PTTG1IP: variants seen among roughly 807,000 people sequenced by gnomAD.
PTTG1IP encodes the protein PTTG1 interacting protein.
A neutral mutation model predicts 24.4 loss-of-function variants in PTTG1IP; 16 were observed. That is an observed-to-expected ratio of 0.66 (90% CI 0.44 to 1.00). The LOEUF (loss-of-function observed/expected upper bound fraction) is 1.00, where lower values mean the gene tolerates loss of function less well. Among genes scored for constraint, PTTG1IP ranks in the 50% least tolerant of loss-of-function variants. PTTG1IP has a pLI of 0.00. For synonymous variants in PTTG1IP, 89 were observed against 96.8 expected, an observed-to-expected ratio of 0.92 and a Z score of 0.47; for missense variants, 241 against 245.8, an observed-to-expected ratio of 0.98 and a Z score of 0.13.
In PTTG1IP at chr21:44,855,386, T is replaced by C. The variant is rs185462795; in HGVS notation, c.450-130A>G. 1,135 of 956,072 alleles carry C rather than the reference T, an allele frequency of 1.2e-3. 7 individuals are homozygous for C. In the African/African-American group the frequency reaches 0.016, roughly 14 times the overall value. The allele number at this position is 956,072 out of a possible 1,614,324, so 59.2% of individuals were successfully genotyped here. The stretch of plus-strand genomic sequence containing the variant: ...GGTGGCTTCCCTCCAGTTCCCAGAG[T>C]GAAACCAGGGTGAGGACAAGCTTGG... On this transcript the variant is annotated intron_variant, in intron 4 of 5. Transcript: ENST00000330938.
rs766798967 is a variant in PTTG1IP, at chr21:44,851,377, A to G, written c.*204T>C. The G allele has an allele frequency of 2.6e-6, 4 of 1,523,702 alleles. No individual in the cohort carries two copies. The South Asian group carries it at 4.7e-5, about 18-fold the overall frequency. 94.4% of individuals were successfully genotyped at this position (1,523,702 alleles called of 1,614,324 possible). A position where few individuals can be genotyped will look rare whatever the true frequency, so the allele number is the denominator to read the frequency against. On this transcript the variant is annotated 3_prime_UTR_variant, in exon 6 of 6. Coordinates refer to ENST00000330938, the MANE Select transcript of PTTG1IP (RefSeq NM_004339.4). The stretch of plus-strand genomic sequence containing the variant: ...TTCAAGTGACTAAATCTAGAAACAG[A>G]GATGAACAGGGAATAGAAGGTCACC...
At chr21:44,858,643 G>T (rs551339982) in intron 3 of PTTG1IP, among the ~76,000 whole-genome samples, 1 of 152,232 alleles carries the variant, frequency 6.6e-6, no homozygotes, top group African/African-American at 2.4e-5. Context: ...CACTGTGACT[G>T]TGACTAGTCA....
At chr21:44,868,624 T>C (rs2083561397) in intron 1 of PTTG1IP, among the ~76,000 whole-genome samples, 1 of 152,090 alleles carries the variant, frequency 6.6e-6, no homozygotes, top group African/African-American at 2.4e-5. Context: ...AACATCAAAA[T>C]AAATGATAAC....
intron 2 of PTTG1IP, chr21:44,861,712 A>G (rs1412501380): frequency 4.2e-6 from 3 of 713,704 alleles, no homozygotes; most frequent in Non-Finnish European, 7.8e-6. Context: ...AGCCGCCTCC[A>G]CCCCCTCCTC....
chr21:44,852,525 C>T (rs2083418985), intron 5 of PTTG1IP, among the ~76,000 whole-genome samples: 1 of 152,148 alleles, frequency 6.6e-6, no homozygotes, highest in Non-Finnish European at 1.5e-5. Flanking sequence ...AAATTATCTG[C>T]AGCGATTACA....
At chr21:44,865,483 A>G in intron 1 of PTTG1IP, 36 bp from the exon 2 acceptor site, 1 of 1,607,412 alleles carries the variant, frequency 6.2e-7, no homozygotes, top group Non-Finnish European at 8.5e-7. Flanking sequence ...TCAGTCACTG[A>G]GAATCAGGCA....
intron 1 of PTTG1IP, among the ~76,000 whole-genome samples, chr21:44,866,135 G>C (rs1316994135): frequency 4.6e-5 from 7 of 151,890 alleles, no homozygotes; most frequent in African/African-American, 1.7e-4. Context: ...ACTCAAGCCA[G>C]TCAGAAGCAA....
chr21:44,863,199 C>T (rs1348046956), intron 2 of PTTG1IP, among the ~76,000 whole-genome samples: 7 of 131,960 alleles, frequency 5.3e-5, no homozygotes, highest in African/African-American at 1.8e-4. Context: ...CACAGCCCAC[C>T]ACGGCCTCAG....
At chr21:44,863,257 G>A (rs376245544) in intron 2 of PTTG1IP, among the ~76,000 whole-genome samples, 886 of 82,752 alleles carry the variant, frequency 0.011, 51 homozygotes, top group Middle Eastern at 0.032. Flanking sequence ...GACACAGCCC[G>A]CCACGGCCTC....
intron 3 of PTTG1IP, among the ~76,000 whole-genome samples, chr21:44,860,447 T>C (rs1412421275): frequency 7.8e-6 from 1 of 128,686 alleles, no homozygotes; most frequent in Non-Finnish European, 1.6e-5. Context: ...AAATCAAATA[T>C]ACAAAGATAC....
At chr21:44,855,491 A>G (rs1194960421) in intron 4 of PTTG1IP, among the ~76,000 whole-genome samples, 1 of 151,958 alleles carries the variant, frequency 6.6e-6, no homozygotes, top group Non-Finnish European at 1.5e-5. Flanking sequence ...GTATTACTCT[A>G]CTCTTTTCAA....
At chr21:44,861,966 G>A (rs1018443113) in intron 2 of PTTG1IP, 2 of 656,012 alleles carry the variant, frequency 3.0e-6, no homozygotes, top group Admixed American at 2.1e-5. Flanking sequence ...ATGCAACTAC[G>A]GCTCAGCCCG....
chr21:44,861,021 C>A (rs2083487054), intron 3 of PTTG1IP, 142 bp downstream of exon 3: 3 of 590,110 alleles, frequency 5.1e-6, no homozygotes, highest in Non-Finnish European at 8.9e-6. Flanking sequence ...CCAGGATGGT[C>A]TCAATCTCCT....
intron 2 of PTTG1IP, among the ~76,000 whole-genome samples, chr21:44,864,565 T>C (rs2083520288): frequency 6.6e-6 from 1 of 152,100 alleles, no homozygotes; most frequent in African/African-American, 2.4e-5. Flanking sequence ...CCTAGCTAAT[T>C]GTTTTGTATT....
intron 2 of PTTG1IP, chr21:44,861,631 C>G (rs970282197): frequency 1.5e-6 from 1 of 689,042 alleles, no homozygotes; most frequent in Non-Finnish European, 2.7e-6. Flanking sequence ...GCCTGGAGCA[C>G]TCTCCCCACA....
chr21:44,857,148 T>C (rs1174491813), intron 3 of PTTG1IP, among the ~76,000 whole-genome samples: 2 of 152,242 alleles, frequency 1.3e-5, no homozygotes, highest in Admixed American at 6.5e-5. Flanking sequence ...ACCCTAAAAC[T>C]ACTTTTGCAA....
At chr21:44,872,247 A>G (rs1015974104) in intron 1 of PTTG1IP, among the ~76,000 whole-genome samples, 8 of 152,232 alleles carry the variant, frequency 5.3e-5, no homozygotes, top group African/African-American at 1.7e-4. Context: ...CTCCTTGACT[A>G]ACAAACTTCA....
At chr21:44,862,721 G>A (rs1372983259) in intron 2 of PTTG1IP, among the ~76,000 whole-genome samples, 1 of 152,136 alleles carries the variant, frequency 6.6e-6, no homozygotes, top group Non-Finnish European at 1.5e-5. Context: ...AATGTCCCCT[G>A]GGCCTTCTTT....
intron 2 of PTTG1IP, among the ~76,000 whole-genome samples, chr21:44,864,587 C>A (rs532302400): frequency 6.6e-6 from 1 of 152,086 alleles, no homozygotes; most frequent in African/African-American, 2.4e-5. Context: ...TTAGTAGAGA[C>A]GGGGTTTCAC....
Sources: gnomAD v4.1 joint callset for allele counts (sites outside exome capture counted in the v4.1 genomes callset) on GRCh38, gnomAD v4.1.1 for gene constraint, MANE v1.5 for transcripts, NCBI Gene and HGNC (gene_info 2026-07-23, HGNC 2026-07-21) for gene names.